COL10A1: variants seen among roughly 807,000 people sequenced by gnomAD.
COL10A1 encodes the protein collagen type X alpha 1 chain.
In COL10A1, 10 loss-of-function variants were observed where a neutral mutation model predicts 18.2. The ratio of observed to expected loss-of-function variants is 0.55; its 90% CI spans 0.34 to 0.93. The LOEUF (loss-of-function observed/expected upper bound fraction) is 0.93. Among genes scored for constraint, COL10A1 ranks in the 40% least tolerant of loss-of-function variants. The pLI, the probability that COL10A1 is intolerant of heterozygous loss-of-function variation, is 0.02. For synonymous variants in COL10A1, 330 were observed against 316.6 expected (o/e 1.04, Z -0.45); for missense variants, 897 against 853.5 (o/e 1.05, Z -0.64).
chr6:116,204,857 T>C, the COL10A1 span, among the ~76,000 whole-genome samples: 1 of 152,036 alleles, frequency 6.6e-6, no homozygotes, highest in Admixed American at 6.6e-5. Flanking sequence ...AATTATTTGT[T>C]ATAATTACAT....
the COL10A1 span, among the ~76,000 whole-genome samples, chr6:116,178,270 GC>G: frequency 6.6e-6 from 1 of 152,026 alleles, no homozygotes; most frequent in Non-Finnish European, 1.5e-5. Flanking sequence ...TACTAACCAG[GC>G]CCGACCCTGC....
chr6:116,128,444 C>T (rs1311544404), upstream of COL10A1, among the ~76,000 whole-genome samples: 1 of 149,328 alleles, frequency 6.7e-6, no homozygotes, highest in African/African-American at 2.4e-5. Flanking sequence ...CCATTCCACT[C>T]AAAACAGAGA....
At chr6:116,140,460 A>T (rs1049844296) in intron 1 of COL10A1, among the ~76,000 whole-genome samples, 1 of 152,146 alleles carries the variant, frequency 6.6e-6, no homozygotes, top group African/African-American at 2.4e-5. Flanking sequence ...GGATATGTGT[A>T]TAGTATATAT....
At chr6:116,182,443 T>G in the COL10A1 span, among the ~76,000 whole-genome samples, 1 of 152,094 alleles carries the variant, frequency 6.6e-6, no homozygotes, top group Non-Finnish European at 1.5e-5. Flanking sequence ...CTACTTTTAA[T>G]TTTTTAAGGA....
chr6:116,206,820 C>T, the COL10A1 span, among the ~76,000 whole-genome samples: 1 of 151,876 alleles, frequency 6.6e-6, no homozygotes, highest in Non-Finnish European at 1.5e-5. Flanking sequence ...AGTGCAGTTT[C>T]CTCTTTACTC....
the COL10A1 span, among the ~76,000 whole-genome samples, chr6:116,186,837 TA>T: frequency 6.6e-6 from 1 of 152,090 alleles, no homozygotes; most frequent in African/African-American, 2.4e-5. Context: ...TTGATTGACT[TA>T]ATAGTTGATC....
At chr6:116,155,973 G>A (rs1780183207) in intron 1 of COL10A1, among the ~76,000 whole-genome samples, 1 of 152,068 alleles carries the variant, frequency 6.6e-6, no homozygotes, top group African/African-American at 2.4e-5. Flanking sequence ...TTGGGAATGG[G>A]CTAGAAAAAA....
chr6:116,134,695 G>A (rs554634256), intron 1 of COL10A1, among the ~76,000 whole-genome samples: 62 of 152,312 alleles, frequency 4.1e-4, no homozygotes, highest in Non-Finnish European at 7.2e-4. Flanking sequence ...AGAGGTCCTA[G>A]TATTAACAAC....
At chr6:116,199,155 G>A in the COL10A1 span, among the ~76,000 whole-genome samples, 4 of 152,028 alleles carry the variant, frequency 2.6e-5, no homozygotes, top group South Asian at 2.1e-4. Flanking sequence ...AAGCCGTAAT[G>A]TATAAAAATA....
At position 116,120,711 on chromosome 6, in the gene COL10A1, G is replaced by C. The variant is rs1434601224; in HGVS notation, c.1405C>G (p.Pro469Ala). The C allele has an allele frequency of 2.6e-6, 4 of 1,562,002 alleles. No homozygotes were observed. In the South Asian group the frequency reaches 3.6e-5, roughly 14 times the overall value. The change falls in exon 3 of 3, where the codon CCA becomes GCA. Residue 469 changes from proline to alanine, a missense_variant. Pro to Ala is a conservative substitution (Grantham distance 27). Coordinates refer to ENST00000651968, the MANE Select transcript of COL10A1 (RefSeq NM_000493.4). ...IPGFPGSKGD[P>A]GSPGPPGPAG... Reference sequence around the variant, plus strand: ...GGGCCAGGAGGACCGGGACTTCCTGGATCCCCTTTAGACCCAGGGAATCCT... The same window carrying C: ...GGGCCAGGAGGACCGGGACTTCCTGCATCCCCTTTAGACCCAGGGAATCCT...
chr6:116,192,312 TATC>T, the COL10A1 span, among the ~76,000 whole-genome samples: 520 of 152,148 alleles, frequency 3.4e-3, 15 homozygotes, highest in South Asian at 0.046. Flanking sequence ...TCTCAATAAA[TATC>T]AGCAGATAAT....
intron 1 of COL10A1, among the ~76,000 whole-genome samples, chr6:116,135,841 A>ATATATG (rs1329449611): frequency 9.5e-5 from 7 of 73,744 alleles, no homozygotes; most frequent in South Asian, 7.9e-4. Context: ...TCAGATATAT[A>ATATATG]TATATATATA....
the COL10A1 span, among the ~76,000 whole-genome samples, chr6:116,205,004 A>G: frequency 6.6e-6 from 1 of 152,042 alleles, no homozygotes; most frequent in African/African-American, 2.4e-5. Flanking sequence ...GATACACACC[A>G]AAATGTGAAC....
chr6:116,161,211 G>A (rs1484187949), upstream of COL10A1, among the ~76,000 whole-genome samples: 3 of 117,466 alleles, frequency 2.6e-5, no homozygotes, highest in African/African-American at 9.6e-5. Context: ...GGAGGGGGGA[G>A]GGATAGCATT....
At position 116,124,102 on chromosome 6, in the gene COL10A1, C is replaced by T. The variant is rs190918522; in HGVS notation, c.154+1237G>A. 1.7e-4 allele frequency among the ~76,000 whole-genome samples: 26 copies of T among 152,122 alleles called. No homozygotes were observed. In the East Asian group the frequency reaches 4.2e-3, roughly 25 times the overall value. On this transcript the variant is annotated intron_variant, in intron 2 of 2. Transcript: ENST00000651968. ...TATATTTTGAGACATTCAAAAGTAT[C>T]TGTTGTATACCTGTGCATTTATTTT...
At position 116,121,714 on chromosome 6, in the gene COL10A1, T is replaced by A. The variant is rs1352447315; in HGVS notation, c.402A>T (p.Leu134=). 6.2e-7 allele frequency: 1 copy of A among 1,614,022 alleles called. No individual in the cohort carries two copies. Among genetic ancestry groups the A allele is most frequent in the Non-Finnish European group, 8.5e-7 (1 of 1,179,968 alleles). ...GTCCTGGTGGGCCCCGGGGTCCTGG[T>A]AGGCCAGCTGGTCCAACATCTCCTT... ...GPKGDVGPAG[L]PGPRGPPGPP... The change falls in exon 3 of 3, where the codon CTA becomes CTT. Residue 134 remains leucine, a synonymous_variant. Transcript: ENST00000651968.
At position 116,147,999 on chromosome 6, in the gene COL10A1, T is replaced by TG. The variant is rs1209875191; in HGVS notation, c.-16+10614dup. On this transcript the variant is annotated intron_variant, in intron 1 of 1. Transcript: ENST00000418500. ...GACTCTGTCTCAAAAAAAAAAAAGG[T>TG]GGGGGGGGTTGGAGGCACCTTGTTG... is the stretch of plus-strand genomic sequence containing the variant. 6.7e-3 allele frequency among the ~76,000 whole-genome samples: 948 copies of TG among 141,380 alleles called. 10 individuals carry two copies. Among genetic ancestry groups the TG allele is most frequent in the African/African-American group, 0.021 (785 of 37,968 alleles). 92.8% of individuals were successfully genotyped at this position (141,380 alleles called of 152,430 possible).
chr6:116,159,789 C>G (rs563239832), upstream of COL10A1, among the ~76,000 whole-genome samples: 27 of 152,288 alleles, frequency 1.8e-4, no homozygotes, highest in Admixed American at 1.6e-3. Context: ...CAGCCCCCAC[C>G]TTTTGGAGTC....
intron 1 of COL10A1, among the ~76,000 whole-genome samples, chr6:116,146,840 C>T (rs956687431): frequency 1.3e-5 from 2 of 151,708 alleles, no homozygotes; most frequent in Admixed American, 1.3e-4. Flanking sequence ...GGTGTTTGGC[C>T]TATGGATAGC....
Sources: gnomAD v4.1 joint callset for allele counts (sites outside exome capture counted in the v4.1 genomes callset) on GRCh38, gnomAD v4.1.1 for gene constraint, MANE v1.5 for transcripts, NCBI Gene and HGNC (gene_info 2026-07-23, HGNC 2026-07-21) for gene names.